Variants in LINGO2 observed in about 807,000 individuals in gnomAD.
The protein encoded by LINGO2 is leucine rich repeat and Ig domain containing 2, also known as leucine-rich repeat and immunoglobulin-like domain-containing nogo receptor-interacting protein 2.
A neutral mutation model predicts 30.6 loss-of-function variants in LINGO2; 14 were observed. That is an observed-to-expected ratio of 0.46 (90% CI 0.30 to 0.72). The LOEUF is 0.72. Among genes scored for constraint, LINGO2 ranks in the 30% least tolerant of loss-of-function variants. LINGO2 has a pLI of 0.07. For synonymous variants in LINGO2, 317 were observed against 288.5 expected (o/e 1.10, Z -1.00); for missense variants, 729 against 751.7 (o/e 0.97, Z 0.35).
chr9:28,449,032 C>CGTGTGTGT (rs140779747), intron 2 of LINGO2, among the ~76,000 whole-genome samples: 16,900 of 137,758 alleles, frequency 0.12, 1,313 homozygotes, highest in Non-Finnish European at 0.17. Context: ...TATTCACATT[C>CGTGTGTGT]GTGTGTGTGT....
chr9:29,113,626 C>T, the LINGO2 span, among the ~76,000 whole-genome samples: 1 of 152,156 alleles, frequency 6.6e-6, no homozygotes, highest in Non-Finnish European at 1.5e-5. Context: ...TTGCCAAAAT[C>T]GTGGTGCCCA....
chr9:28,392,347 C>T (rs1587603073), intron 2 of LINGO2, among the ~76,000 whole-genome samples: 3 of 152,006 alleles, frequency 2.0e-5, no homozygotes, highest in African/African-American at 7.2e-5. Context: ...ACACCTTTAC[C>T]CTGGCTTTGG....
At chr9:29,091,433 T>C in the LINGO2 span, among the ~76,000 whole-genome samples, 1 of 152,112 alleles carries the variant, frequency 6.6e-6, no homozygotes, top group East Asian at 1.9e-4. Flanking sequence ...TTGCTAAACA[T>C]TTACAAGAGT....
intron 1 of LINGO2, among the ~76,000 whole-genome samples, chr9:28,607,283 A>T (rs1056361493): frequency 2.0e-5 from 3 of 152,072 alleles, no homozygotes; most frequent in Non-Finnish European, 4.4e-5. Context: ...AGAAGTCACC[A>T]TGAAGAAAAA....
chr9:29,133,353 AATAATCAAC>A, the LINGO2 span, among the ~76,000 whole-genome samples: 1 of 152,138 alleles, frequency 6.6e-6, no homozygotes, highest in Non-Finnish European at 1.5e-5. Flanking sequence ...TGGTCCATAT[AATAATCAAC>A]TGATTTCTAA....
chr9:28,863,224 T>C, the LINGO2 span, among the ~76,000 whole-genome samples: 2 of 152,258 alleles, frequency 1.3e-5, no homozygotes, highest in East Asian at 3.9e-4. Flanking sequence ...CCAAACTATT[T>C]AATTAATATA....
chr9:28,578,300 T>C (rs772009541), intron 1 of LINGO2, among the ~76,000 whole-genome samples: 10 of 152,016 alleles, frequency 6.6e-5, no homozygotes, highest in Non-Finnish European at 1.5e-4. Flanking sequence ...GGTAATGGGG[T>C]GGCAGATCCA....
chr9:28,731,048 TG>T, the LINGO2 span, among the ~76,000 whole-genome samples: 3 of 151,898 alleles, frequency 2.0e-5, no homozygotes, highest in African/African-American at 7.3e-5. Flanking sequence ...TGGAGGGCAA[TG>T]GCACGATTTC....
chr9:29,028,297 G>T, the LINGO2 span, among the ~76,000 whole-genome samples: 1 of 151,952 alleles, frequency 6.6e-6, no homozygotes, highest in African/African-American at 2.4e-5. Context: ...GAATATGTGT[G>T]GACAGATGAA....
chr9:28,123,117 G>A (rs1827144557), intron 4 of LINGO2, among the ~76,000 whole-genome samples: 1 of 152,072 alleles, frequency 6.6e-6, no homozygotes, highest in South Asian at 2.1e-4. Flanking sequence ...GATCAAAGTT[G>A]AACCAAAAAT....
At chr9:28,189,636 GAA>G (rs1295880793) in intron 4 of LINGO2, among the ~76,000 whole-genome samples, 11 of 57,584 alleles carry the variant, frequency 1.9e-4, no homozygotes, top group South Asian at 6.9e-4. Flanking sequence ...AGGGAGGGAG[GAA>G]GGAAGGGAGG....
At chr9:29,037,871 G>A in the LINGO2 span, among the ~76,000 whole-genome samples, 1 of 151,854 alleles carries the variant, frequency 6.6e-6, no homozygotes, top group African/African-American at 2.4e-5. Context: ...ATATAGAAAA[G>A]CACATAGTGC....
chr9:28,349,694 T>C (rs1389811277), intron 3 of LINGO2, among the ~76,000 whole-genome samples: 2 of 140,354 alleles, frequency 1.4e-5, no homozygotes, highest in Middle Eastern at 3.4e-3. Context: ...AGACACATAA[T>C]TGTCAGATTC....
At position 28,129,646 on chromosome 9, in the gene LINGO2, T is replaced by TG. The variant is rs983842317; in HGVS notation, c.-86-117242dup. On this transcript the variant is annotated intron_variant, in intron 4 of 5. Coordinates refer to ENST00000379992, the Ensembl canonical transcript of LINGO2. The surrounding 1 kb of genome is among the most constrained non-coding windows in gnomAD (Gnocchi z 4.0). ...CAATCACCTGAACTAAGGCAGTAAG[T>TG]GGGGGAGAAAATCTTTGAAAAATCC... The TG allele has an allele frequency of 6.6e-6, 1 of 152,180 alleles. No homozygotes were observed. The highest frequency in any genetic ancestry group is 2.4e-5 in the African/African-American group (1 of 41,448). 9.4% of individuals were successfully genotyped at this position (152,180 alleles called of 1,614,324 possible).
At chr9:28,188,544 G>GA (rs371313641) in intron 4 of LINGO2, among the ~76,000 whole-genome samples, 5 of 151,666 alleles carry the variant, frequency 3.3e-5, no homozygotes, top group Middle Eastern at 3.4e-3. Context: ...TCTGCTTCCG[G>GA]AAAAAAAATT....
intron 1 of LINGO2, among the ~76,000 whole-genome samples, chr9:28,669,811 G>A (rs1828945685): frequency 6.6e-6 from 1 of 151,938 alleles, no homozygotes; most frequent in South Asian, 2.1e-4. Context: ...TTTATTGTAT[G>A]ATTGTATGTA....
chr9:28,831,431 T>C, the LINGO2 span, among the ~76,000 whole-genome samples: 10 of 152,266 alleles, frequency 6.6e-5, 1 homozygote, highest in African/African-American at 2.4e-5. Context: ...CAACCTTGTA[T>C]TGTCCCCATT....
chr9:29,089,229 T>C, the LINGO2 span, among the ~76,000 whole-genome samples: 11 of 151,466 alleles, frequency 7.3e-5, no homozygotes, highest in South Asian at 2.3e-3. Flanking sequence ...TAATATTATT[T>C]ATAGCAATAT....
intron 4 of LINGO2, among the ~76,000 whole-genome samples, chr9:28,182,352 A>AT (rs1819377966): frequency 6.6e-6 from 1 of 152,236 alleles, no homozygotes; most frequent in Non-Finnish European, 1.5e-5. Flanking sequence ...ACCCAAAACC[A>AT]TAAAAACCCT....
Sources: allele counts gnomAD v4.1 joint callset (sites outside exome capture counted in the v4.1 genomes callset), GRCh38; gene constraint gnomAD v4.1.1; non-coding constraint Gnocchi (gnomAD v3.1); transcripts MANE v1.5; gene names NCBI Gene and HGNC (gene_info 2026-07-23, HGNC 2026-07-21).